Variants in TANC2 observed in about 807,000 individuals in gnomAD.
TANC2 encodes the protein protein TANC2.
In TANC2, 26 loss-of-function variants were observed where a neutral mutation model predicts 210.5. The ratio of observed to expected loss-of-function variants is 0.12; its 90% CI spans 0.09 to 0.17. The LOEUF is 0.17. Ranked by LOEUF, TANC2 falls within the 10% of genes least tolerant of loss-of-function variation. The probability of loss-of-function intolerance (pLI) is 1.00; values close to 1 mark genes in which losing one functional copy is unlikely to be tolerated. For missense variants in TANC2, 2,129 were observed against 2,608.9 expected, an observed-to-expected ratio of 0.82 and a Z score of 4.01; for synonymous variants, 931 against 967.1, an observed-to-expected ratio of 0.96 and a Z score of 0.69.
At chr17:63,277,058 T>A (rs2043899704) in intron 9 of TANC2, among the ~76,000 whole-genome samples, 1 of 152,156 alleles carries the variant, frequency 6.6e-6, no homozygotes, top group African/African-American at 2.4e-5. Flanking sequence ...CCAAACCAGC[T>A]TCGACTCCTC....
chr17:63,354,248 T>C (rs1378477051), intron 13 of TANC2, among the ~76,000 whole-genome samples: 4 of 152,198 alleles, frequency 2.6e-5, no homozygotes, highest in Non-Finnish European at 5.9e-5. Context: ...AGCTTCCTAC[T>C]GTTAGAAGTG....
In TANC2 at chr17:63,389,351, G is replaced by A. The variant is rs780205720; in HGVS notation, c.2858G>A (p.Arg953Gln). 1.5e-5 allele frequency: 25 copies of A among 1,613,684 alleles called. No homozygotes were observed. The highest frequency in any genetic ancestry group is 7.7e-5 in the South Asian group (7 of 91,074). Reference sequence around the variant, plus strand: ...TTGGGAGGTGCCAATATTAATTACCGGACAGAGGTTTTAAATAATGCTCCA... The same window carrying A: ...TTGGGAGGTGCCAATATTAATTACCAGACAGAGGTTTTAAATAATGCTCCA... The change falls in exon 17 of 28, where the codon CGG becomes CAG. Residue 953 changes from arginine to glutamine, a missense_variant. Around this residue, in one of 5 missense-constraint regions of TANC2, gnomAD observed 644 missense variants for 937.5 expected, o/e 0.69. Coordinates refer to ENST00000689528, the Ensembl canonical transcript of TANC2.
chr17:63,343,303 A>T (rs747300637), intron 12 of TANC2, among the ~76,000 whole-genome samples: 1 of 152,258 alleles, frequency 6.6e-6, no homozygotes, highest in East Asian at 1.9e-4. Flanking sequence ...TGACTATAGT[A>T]ATCTCAGACA....
intron 9 of TANC2, among the ~76,000 whole-genome samples, chr17:63,312,714 A>G (rs998270166): frequency 1.3e-5 from 2 of 152,188 alleles, no homozygotes; most frequent in Non-Finnish European, 2.9e-5. Context: ...GCCCTCTTGA[A>G]TCTAAAATAA....
intron 5 of TANC2, among the ~76,000 whole-genome samples, chr17:63,176,903 G>C (rs1322436441): frequency 6.6e-6 from 1 of 151,770 alleles, no homozygotes; most frequent in Non-Finnish European, 1.5e-5. Context: ...CAGACTTCCA[G>C]AGAGTAATGA....
chr17:63,381,047 A>C (rs1172142324), intron 15 of TANC2, among the ~76,000 whole-genome samples: 1 of 152,232 alleles, frequency 6.6e-6, no homozygotes, highest in Non-Finnish European at 1.5e-5. Context: ...GAAAGACAGT[A>C]ACTTAAGCAT....
At position 63,389,554 on chromosome 17, in the gene TANC2, G is replaced by A; in HGVS notation, c.3051+10G>A. ...CAAGAAACGGGCCAAGGTACTGGCTGCCCAGCTCTGCTGCTTTTCTTCCCT... is the reference window on the plus strand; with the variant it reads ...CAAGAAACGGGCCAAGGTACTGGCTACCCAGCTCTGCTGCTTTTCTTCCCT... On this transcript the variant is annotated intron_variant, in intron 17 of 27. Coordinates refer to ENST00000689528, the Ensembl canonical transcript of TANC2. 1.3e-6 allele frequency: 2 copies of A among 1,592,470 alleles called. No individual in the cohort carries two copies. Among genetic ancestry groups the A allele is most frequent in the Non-Finnish European group, 8.6e-7 (1 of 1,168,244 alleles).
intron 5 of TANC2, chr17:63,154,358 A>G (rs2039764327): frequency 6.6e-6 from 1 of 152,184 alleles, no homozygotes; most frequent in Admixed American, 6.5e-5. Context: ...TTCCATGAGC[A>G]TTCCTTACTG....
rs147852685 is a variant in TANC2, at chr17:63,233,689, T to C, written c.770-4125T>C. Among the ~76,000 whole-genome samples, 450 of 152,366 alleles carry C rather than the reference T, an allele frequency of 3.0e-3. 2 individuals are homozygous for C. Among genetic ancestry groups the C allele is most frequent in the Non-Finnish European group, 4.8e-3 (325 of 68,028 alleles). On this transcript the variant is annotated intron_variant, in intron 7 of 27. Transcript: ENST00000689528. ...CCATCTTGGCCCCTCCGGCCTGTTG[T>C]TGTTTTTTAGAGAGCCAAGATGTTA...
chr17:63,237,744 C>T (rs2042660222), intron 7 of TANC2, 70 bp from the exon 8 acceptor site: 1 of 1,421,646 alleles, frequency 7.0e-7, no homozygotes, highest in East Asian at 2.5e-5. Context: ...GTGTTTTTAT[C>T]AACTTTGTCA....
At chr17:63,220,938 T>TA (rs2145932122) in intron 7 of TANC2, among the ~76,000 whole-genome samples, 1 of 151,518 alleles carries the variant, frequency 6.6e-6, no homozygotes, top group East Asian at 1.9e-4. Context: ...CTACCCCACA[T>TA]ACAAAAATTC....
At chr17:63,207,674 T>C (rs1309377862) in intron 7 of TANC2, among the ~76,000 whole-genome samples, 1 of 152,228 alleles carries the variant, frequency 6.6e-6, no homozygotes, top group Non-Finnish European at 1.5e-5. Context: ...TCCAGATTTT[T>C]GCTCTTGCAA....
chr17:63,178,341 A>C (rs1438788065), intron 5 of TANC2, among the ~76,000 whole-genome samples: 1 of 151,984 alleles, frequency 6.6e-6, no homozygotes, highest in East Asian at 1.9e-4. Flanking sequence ...TCAAAAAAAA[A>C]CACAAAAAAC....
At chr17:63,137,318 T>C (rs536735365) in intron 4 of TANC2, among the ~76,000 whole-genome samples, 27 of 152,214 alleles carry the variant, frequency 1.8e-4, no homozygotes, top group Non-Finnish European at 2.9e-4. Flanking sequence ...GGCCTGACTG[T>C]TAAAAGTAAG....
At chr17:63,275,085 G>A (rs2043830981) in intron 9 of TANC2, among the ~76,000 whole-genome samples, 1 of 152,156 alleles carries the variant, frequency 6.6e-6, no homozygotes. Flanking sequence ...GCAAATTGTA[G>A]CATAGTGACT....
At chr17:63,170,774 G>A (rs549196146) in intron 5 of TANC2, among the ~76,000 whole-genome samples, 1 of 152,224 alleles carries the variant, frequency 6.6e-6, no homozygotes, top group East Asian at 1.9e-4. Context: ...ATACAAAGAA[G>A]TTCCCTTTTC....
intron 14 of TANC2, among the ~76,000 whole-genome samples, chr17:63,372,222 G>A (rs2147026489): frequency 6.6e-6 from 1 of 152,124 alleles, no homozygotes; most frequent in African/African-American, 2.4e-5. Flanking sequence ...TGTTTCTTAG[G>A]GATCAGTTAG....
chr17:63,233,804 T>C (rs2042546548), intron 7 of TANC2, among the ~76,000 whole-genome samples: 1 of 152,220 alleles, frequency 6.6e-6, no homozygotes. Flanking sequence ...TGCTGTGCCC[T>C]TGTGAATGTT....
At chr17:62,996,729 C>T (rs962142421) in intron 1 of TANC2, among the ~76,000 whole-genome samples, 2 of 151,924 alleles carry the variant, frequency 1.3e-5, no homozygotes, top group African/African-American at 4.8e-5. Context: ...CTATTTCTCT[C>T]TTCGTTTTTT....
Sources: allele counts gnomAD v4.1 joint callset (sites outside exome capture counted in the v4.1 genomes callset), GRCh38; gene constraint gnomAD v4.1.1; regional missense constraint gnomAD v4.1.1; transcripts MANE v1.5; gene names NCBI Gene and HGNC (gene_info 2026-07-23, HGNC 2026-07-21).